Variants in SPADH observed in about 807,000 individuals in gnomAD.
The protein encoded by SPADH is spermadhesin family member.
At chr10:122,678,115 C>G in the SPADH span, among the ~76,000 whole-genome samples, 2 of 152,170 alleles carry the variant, frequency 1.3e-5, no homozygotes, top group East Asian at 3.9e-4. Context: ...GTGGGGTGTC[C>G]CCTTGTTGTC....
chr10:122,673,483 G>GAGTGCCTGGA, the SPADH span, among the ~76,000 whole-genome samples: 1 of 152,184 alleles, frequency 6.6e-6, no homozygotes, highest in Admixed American at 6.5e-5. Flanking sequence ...CGCTGGCTGG[G>GAGTGCCTGGA]AGTGCCTGGA....
the SPADH span, chr10:122,678,983 G>C: frequency 1.0e-6 from 1 of 985,164 alleles, no homozygotes; most frequent in African/African-American, 1.7e-5. Flanking sequence ...GTACTCCAGA[G>C]AACCCAGTCA....
At chr10:122,673,964 G>A in the SPADH span, among the ~76,000 whole-genome samples, 1 of 152,182 alleles carries the variant, frequency 6.6e-6, no homozygotes, top group Non-Finnish European at 1.5e-5. Flanking sequence ...TCAGATAACA[G>A]CTTACAGCTT....
chr10:122,677,221 C>A, the SPADH span, among the ~76,000 whole-genome samples: 12 of 152,202 alleles, frequency 7.9e-5, no homozygotes, highest in Non-Finnish European at 1.2e-4. Flanking sequence ...CTTGCCTTTG[C>A]TCACACCTGC....
the SPADH span, among the ~76,000 whole-genome samples, chr10:122,677,503 AT>A: frequency 6.6e-6 from 1 of 152,130 alleles, no homozygotes; most frequent in African/African-American, 2.4e-5. Context: ...GATTGCAGGT[AT>A]TTTTCTTAAA....
chr10:122,673,832 G>A, the SPADH span, among the ~76,000 whole-genome samples: 2 of 152,044 alleles, frequency 1.3e-5, no homozygotes, highest in African/African-American at 2.4e-5. Context: ...GCACACTCAC[G>A]TCAGGGGCTG....
chr10:122,677,874 G>A, the SPADH span, among the ~76,000 whole-genome samples: 4 of 152,188 alleles, frequency 2.6e-5, no homozygotes, highest in African/African-American at 9.6e-5. Context: ...ACCCAGATGG[G>A]GAAACAAGGA....
At chr10:122,674,646 T>G in the SPADH span, among the ~76,000 whole-genome samples, 1 of 152,196 alleles carries the variant, frequency 6.6e-6, no homozygotes, top group East Asian at 1.9e-4. Context: ...CAGAATAGGT[T>G]GTGTAGCATT....
the SPADH span, among the ~76,000 whole-genome samples, chr10:122,676,160 A>G: frequency 6.6e-6 from 1 of 152,252 alleles, no homozygotes. Flanking sequence ...CTTGCGATGC[A>G]GGGTGGCTTG....
chr10:122,677,007 A>G, the SPADH span: 120 of 683,146 alleles, frequency 1.8e-4, no homozygotes, highest in Middle Eastern at 3.0e-3. Context: ...TTGACACACA[A>G]TTTGACGACA....
At chr10:122,674,927 A>G in the SPADH span, among the ~76,000 whole-genome samples, 1 of 152,218 alleles carries the variant, frequency 6.6e-6, no homozygotes, top group African/African-American at 2.4e-5. Flanking sequence ...AACCAGGGAC[A>G]TCTGATTCTG....
chr10:122,675,897 C>T, the SPADH span, among the ~76,000 whole-genome samples: 7 of 152,190 alleles, frequency 4.6e-5, no homozygotes, highest in Non-Finnish European at 1.0e-4. Context: ...CCTCCAAGCC[C>T]CCCCGAAGTC....
the SPADH span, chr10:122,679,143 C>A: frequency 2.7e-6 from 1 of 376,124 alleles, no homozygotes; most frequent in Non-Finnish European, 3.7e-6. Flanking sequence ...CCTGGGACTG[C>A]AGAAATAAGA....
the SPADH span, among the ~76,000 whole-genome samples, chr10:122,673,851 C>A: frequency 6.6e-6 from 1 of 152,206 alleles, no homozygotes; most frequent in South Asian, 2.1e-4. Flanking sequence ...TGCCCCATCA[C>A]CGGGTGCTCT....
the SPADH span, chr10:122,675,722 C>T: frequency 3.6e-6 from 3 of 836,136 alleles, no homozygotes; most frequent in Non-Finnish European, 4.3e-6. Context: ...CACAGAGACA[C>T]TGTTTTGGGG....
the SPADH span, chr10:122,677,025 T>G: frequency 1.8e-6 from 1 of 546,680 alleles, no homozygotes; most frequent in Non-Finnish European, 2.3e-6. Flanking sequence ...ACATTTTCAC[T>G]TCCTGTTGAA....
chr10:122,675,075 T>C, the SPADH span, among the ~76,000 whole-genome samples: 435 of 152,330 alleles, frequency 2.9e-3, 2 homozygotes, highest in African/African-American at 0.01. Flanking sequence ...GAAATTTCCA[T>C]AAATAAACAT....
chr10:122,677,532 T>C, the SPADH span, among the ~76,000 whole-genome samples: 7,029 of 152,234 alleles, frequency 0.046, 436 homozygotes, highest in African/African-American at 0.14. Context: ...ATGAATGAAG[T>C]GATAAAGCCA....
At chr10:122,678,395 G>T in the SPADH span, among the ~76,000 whole-genome samples, 1 of 152,194 alleles carries the variant, frequency 6.6e-6, no homozygotes, top group Non-Finnish European at 1.5e-5. Flanking sequence ...CAGGGGAAAG[G>T]AAGGCAGGAA....
Sources: allele counts gnomAD v4.1 joint callset (sites outside exome capture counted in the v4.1 genomes callset), GRCh38; gene constraint gnomAD v4.1.1; transcripts MANE v1.5; gene names NCBI Gene and HGNC (gene_info 2026-07-23, HGNC 2026-07-21).